The following KIF6 variants were observed in gnomAD, a reference collection of about 807,000 sequenced individuals.
The protein encoded by KIF6 is kinesin family member 6.
A neutral mutation model predicts 112.7 loss-of-function variants in KIF6; 106 were observed. The ratio of observed to expected loss-of-function variants is 0.94; its 90% confidence interval spans 0.80 to 1.11. The LOEUF is 1.11. Among genes scored for constraint, KIF6 ranks in the 50% least tolerant of loss-of-function variants. The pLI is 0.00. For synonymous variants in KIF6, 339 were observed against 339.9 expected, an observed-to-expected ratio of 1.00 and a Z score of 0.03; for missense variants, 929 against 964.0, an observed-to-expected ratio of 0.96 and a Z score of 0.48.
chr6:39,612,630 T>C (rs58829349), intron 6 of KIF6, among the ~76,000 whole-genome samples: 2,176 of 152,330 alleles, frequency 0.014, 51 homozygotes, highest in African/African-American at 0.05. Flanking sequence ...CACACTATAG[T>C]GGTGTTACCA....
chr6:39,376,803 A>G (rs1271582665), intron 16 of KIF6, among the ~76,000 whole-genome samples: 1 of 152,240 alleles, frequency 6.6e-6, no homozygotes, highest in Non-Finnish European at 1.5e-5. Flanking sequence ...TTTTAAACAG[A>G]GCCATGATAT....
At chr6:39,449,090 T>A (rs1189559318) in intron 13 of KIF6, among the ~76,000 whole-genome samples, 1 of 152,262 alleles carries the variant, frequency 6.6e-6, no homozygotes, top group Non-Finnish European at 1.5e-5. Flanking sequence ...TTGTCTCTTT[T>A]TTAGCCTAAC....
chr6:39,386,215 G>A (rs545491851), intron 15 of KIF6, among the ~76,000 whole-genome samples: 17 of 152,258 alleles, frequency 1.1e-4, no homozygotes, highest in African/African-American at 4.1e-4. Context: ...TTCCCTTCAG[G>A]GAGGTGATAG....
chr6:39,412,566 T>C (rs1229410429), intron 15 of KIF6, among the ~76,000 whole-genome samples: 2 of 152,234 alleles, frequency 1.3e-5, no homozygotes, highest in Non-Finnish European at 2.9e-5. Context: ...CTGTATATCA[T>C]CAAGTAATAC....
intron 13 of KIF6, among the ~76,000 whole-genome samples, chr6:39,495,446 C>G (rs1278718130): frequency 6.6e-6 from 1 of 152,180 alleles, no homozygotes; most frequent in East Asian, 1.9e-4. Flanking sequence ...GAGATATCAG[C>G]TCCCTGAGGG....
intron 8 of KIF6, 78 bp downstream of exon 8, chr6:39,586,183 C>A: frequency 6.7e-7 from 1 of 1,503,314 alleles, no homozygotes; most frequent in South Asian, 1.2e-5. Flanking sequence ...TAGAAACCCA[C>A]CCAAGAGCCT....
chr6:39,669,092 T>C (rs893660210), intron 3 of KIF6, among the ~76,000 whole-genome samples: 1 of 152,184 alleles, frequency 6.6e-6, no homozygotes, highest in Non-Finnish European at 1.5e-5. Flanking sequence ...AAATATGTTA[T>C]CCTAAAGTGT....
rs564103872 is a variant in KIF6 at position 39,668,423 on chromosome 6, C to G, written c.252-28666G>C. ...ACAAAAAGTACACAATTAGGACAAA[C>G]TAAACTATTTAGAACTTTTGTCCTA... On this transcript the variant is annotated intron_variant, in intron 3 of 22. Transcript: ENST00000287152. Among the ~76,000 whole-genome samples, 6 of 152,248 alleles carry G rather than the reference C, an allele frequency of 3.9e-5. No homozygotes were observed. In the East Asian group the frequency reaches 9.7e-4, roughly 25 times the overall value.
intron 13 of KIF6, among the ~76,000 whole-genome samples, chr6:39,518,746 G>C (rs923736323): frequency 1.3e-5 from 2 of 152,208 alleles, no homozygotes; most frequent in Admixed American, 1.3e-4. Context: ...AATGATCACT[G>C]TCTGACACTC....
intron 3 of KIF6, among the ~76,000 whole-genome samples, chr6:39,640,565 T>C (rs1176349194): frequency 1.3e-5 from 2 of 152,132 alleles, no homozygotes; most frequent in African/African-American, 2.4e-5. Context: ...CATCAGCTAT[T>C]GGTCCCCATG....
chr6:39,623,678 C>T (rs1220130943), intron 5 of KIF6, among the ~76,000 whole-genome samples: 4 of 152,134 alleles, frequency 2.6e-5, no homozygotes, highest in Non-Finnish European at 4.4e-5. Flanking sequence ...AACTAACTTT[C>T]GTTTTGTAGA....
intron 13 of KIF6, among the ~76,000 whole-genome samples, chr6:39,531,757 C>T (rs1347601220): frequency 2.0e-5 from 3 of 152,132 alleles, no homozygotes; most frequent in Non-Finnish European, 2.9e-5. Context: ...CCCCAGATCC[C>T]TGTCCACTCG....
chr6:39,434,139 G>A lies in KIF6; in HGVS notation c.1646-2978C>T, dbSNP rs762687904. On this transcript the variant is annotated intron_variant, in intron 13 of 22. Transcript: ENST00000287152. ...AGCTCACCTTGCTAATGAGACAATC[G>A]TCTATTTATTCTCTCAAGAAGTATT... Among the ~76,000 whole-genome samples the A allele has an allele frequency of 7.9e-5, 12 of 152,060 alleles. No homozygotes were observed. In the South Asian group the frequency reaches 1.5e-3, roughly 18 times the overall value.
At chr6:39,439,035 G>T (rs564879662) in intron 13 of KIF6, among the ~76,000 whole-genome samples, 2 of 152,296 alleles carry the variant, frequency 1.3e-5, no homozygotes, top group Admixed American at 1.3e-4. Flanking sequence ...GTGTGTAGTA[G>T]TCTATACTAT....
At chr6:39,682,665 C>T (rs753259408) in intron 3 of KIF6, among the ~76,000 whole-genome samples, 4 of 152,162 alleles carry the variant, frequency 2.6e-5, no homozygotes, top group Non-Finnish European at 5.9e-5. Context: ...CTGCAACCTC[C>T]ACCTCCTGGG....
intron 7 of KIF6, among the ~76,000 whole-genome samples, chr6:39,594,217 A>C (rs1782112791): frequency 6.6e-6 from 1 of 152,036 alleles, no homozygotes; most frequent in Non-Finnish European, 1.5e-5. Context: ...ATTAAAAAAA[A>C]AAAAAGAATT....
chr6:39,463,383 AC>A (rs1247262422), intron 13 of KIF6, among the ~76,000 whole-genome samples: 2 of 152,214 alleles, frequency 1.3e-5, no homozygotes, highest in Non-Finnish European at 1.5e-5. Context: ...TCTTAAAAAA[AC>A]ATGTTATTTT....
chr6:39,683,887 CTGTG>C, intron 3 of KIF6, among the ~76,000 whole-genome samples: 1 of 151,490 alleles, frequency 6.6e-6, no homozygotes, highest in Non-Finnish European at 1.5e-5. Flanking sequence ...GATCTGACAT[CTGTG>C]AAAGGAGGCA....
At chr6:39,386,534 T>C (rs1393581282) in intron 15 of KIF6, among the ~76,000 whole-genome samples, 3 of 152,078 alleles carry the variant, frequency 2.0e-5, no homozygotes, top group Non-Finnish European at 4.4e-5. Flanking sequence ...AAAGCAGACT[T>C]GGGGCTTAAT....
Sources: allele counts gnomAD v4.1 joint callset (sites outside exome capture counted in the v4.1 genomes callset), GRCh38; gene constraint gnomAD v4.1.1; transcripts MANE v1.5; gene names NCBI Gene and HGNC (gene_info 2026-07-23, HGNC 2026-07-21).